HTR2C: variants seen among roughly 807,000 people sequenced by gnomAD.
The protein encoded by HTR2C is 5-hydroxytryptamine (serotonin) receptor 2C, G protein-coupled.
In HTR2C, 5 loss-of-function variants were observed where a neutral mutation model predicts 21.0. That is an observed-to-expected ratio of 0.24 (90% CI 0.12 to 0.50). HTR2C has a LOEUF of 0.50. Ranked by LOEUF, HTR2C falls within the 20% of genes least tolerant of loss-of-function variation. HTR2C has a pLI of 0.98. For synonymous variants in HTR2C, 150 were observed against 145.3 expected, an observed-to-expected ratio of 1.03 and a Z score of -0.23; for missense variants, 271 against 371.2, an observed-to-expected ratio of 0.73 and a Z score of 2.22.
chrX:114,866,885 T>G (rs191106471), intron 5 of HTR2C, among the ~76,000 whole-genome samples: 1 of 112,193 alleles, frequency 8.9e-6, no homozygotes, highest in Admixed American at 9.5e-5. Context: ...ATACCACATT[T>G]TCTTTATCCA....
At chrX:114,702,853 G>A (rs1214441191) in intron 2 of HTR2C, among the ~76,000 whole-genome samples, 4 of 107,101 alleles carry the variant, frequency 3.7e-5, no homozygotes, top group South Asian at 4.4e-4. Context: ...TCACAATAAA[G>A]GGACGGAGGA....
chrX:114,616,660 C>G (rs1222633651), intron 2 of HTR2C, among the ~76,000 whole-genome samples: 8 of 111,908 alleles, frequency 7.1e-5, no homozygotes, highest in African/African-American at 2.0e-4. Flanking sequence ...GTAATACCTT[C>G]CGTAAAGCCT....
intron 2 of HTR2C, among the ~76,000 whole-genome samples, chrX:114,706,779 A>G (rs1158288284): frequency 1.8e-5 from 2 of 111,296 alleles, no homozygotes; most frequent in Non-Finnish European, 3.8e-5. Context: ...TTGCATAAAT[A>G]CAATCTGCAG....
chrX:114,630,213 A>G, intron 2 of HTR2C, among the ~76,000 whole-genome samples: 1 of 112,169 alleles, frequency 8.9e-6, no homozygotes, highest in East Asian at 2.8e-4. Flanking sequence ...GTCATTCAAC[A>G]TATATGCCAA....
chrX:114,601,552 T>G (rs1438177151), intron 1 of HTR2C, among the ~76,000 whole-genome samples: 1 of 108,543 alleles, frequency 9.2e-6, no homozygotes, highest in Non-Finnish European at 1.9e-5. Flanking sequence ...TGTTATCACT[T>G]AAGGCAAGGA....
rs186376698 is a variant in HTR2C at position 114,771,430 on chromosome X, C to A, written c.349+39823C>A. Among the ~76,000 whole-genome samples, 3 of 111,946 alleles carry A rather than the reference C, an allele frequency of 2.7e-5. No individual in the cohort carries two copies. In the South Asian group the frequency reaches 1.1e-3, roughly 41 times the overall value. Reference sequence around the variant, plus strand: ...ATTGTTCAGAATATTCTGTTAAATGCTATGAGCCAGTTTTTCTTTTACCCT... The same window carrying A: ...ATTGTTCAGAATATTCTGTTAAATGATATGAGCCAGTTTTTCTTTTACCCT... On this transcript the variant is annotated intron_variant, in intron 4 of 5. Transcript: ENST00000276198.
intron 4 of HTR2C, among the ~76,000 whole-genome samples, chrX:114,781,653 A>G (rs1314676923): frequency 1.8e-5 from 2 of 109,017 alleles, no homozygotes; most frequent in African/African-American, 6.7e-5. Flanking sequence ...AGTGTATACC[A>G]CCACACCCAG....
chrX:114,695,359 A>C (rs1449931812), intron 2 of HTR2C, among the ~76,000 whole-genome samples: 3 of 111,813 alleles, frequency 2.7e-5, no homozygotes, highest in African/African-American at 9.7e-5. Context: ...GGTTTAAAAT[A>C]TGTTTGGTTG....
intron 4 of HTR2C, among the ~76,000 whole-genome samples, chrX:114,750,676 T>C (rs1556427808): frequency 8.9e-6 from 1 of 112,282 alleles, no homozygotes; most frequent in African/African-American, 3.2e-5. Flanking sequence ...GAGGTCTATT[T>C]GGTAATTCAC....
intron 1 of HTR2C, among the ~76,000 whole-genome samples, chrX:114,589,396 T>C (rs979842240): frequency 9.0e-6 from 1 of 111,446 alleles, no homozygotes; most frequent in Non-Finnish European, 1.9e-5. Context: ...TGCTATTGTA[T>C]GTAGAGATGA....
intron 1 of HTR2C, among the ~76,000 whole-genome samples, chrX:114,611,447 C>T (rs1369132170): frequency 2.7e-5 from 3 of 112,193 alleles, no homozygotes; most frequent in Non-Finnish European, 1.9e-5. Flanking sequence ...ATCATTGCTC[C>T]AAGATTGCTA....
At chrX:114,604,081 T>A (rs1556395873) in intron 1 of HTR2C, among the ~76,000 whole-genome samples, 1 of 107,692 alleles carries the variant, frequency 9.3e-6, no homozygotes, top group Admixed American at 1.0e-4. Context: ...TAGGTTTTAA[T>A]GAGATGGTAA....
intron 5 of HTR2C, among the ~76,000 whole-genome samples, chrX:114,858,307 C>T (rs1189980940): frequency 9.0e-6 from 1 of 111,164 alleles, no homozygotes; most frequent in Non-Finnish European, 1.9e-5. Flanking sequence ...TTTGTCTTAA[C>T]AATACTATGG....
chrX:114,888,261 G>C (rs1192142513), intron 5 of HTR2C, among the ~76,000 whole-genome samples: 1 of 111,678 alleles, frequency 9.0e-6, no homozygotes, highest in Non-Finnish European at 1.9e-5. Flanking sequence ...TGAGTGCTAA[G>C]TGAAAGGGCT....
chrX:114,639,286 A>T (rs1290543955), intron 2 of HTR2C: 1 of 113,573 alleles, frequency 8.8e-6, no homozygotes, highest in Non-Finnish European at 1.9e-5. Context: ...TTCCATTTAC[A>T]AATTCTTGGA....
intron 4 of HTR2C, chrX:114,775,210 C>G: frequency 1.9e-6 from 1 of 517,980 alleles, no homozygotes; most frequent in Non-Finnish European, 3.5e-6. Flanking sequence ...CTCAGCTTAC[C>G]GGACCATATG....
chrX:114,722,622 G>T, intron 2 of HTR2C, among the ~76,000 whole-genome samples: 1 of 106,620 alleles, frequency 9.4e-6, no homozygotes, highest in East Asian at 3.0e-4. Context: ...TCCAGTTTTT[G>T]CCCATTCAGT....
chrX:114,585,767 G>T (rs1556389451), intron 1 of HTR2C, among the ~76,000 whole-genome samples: 2 of 111,105 alleles, frequency 1.8e-5, no homozygotes, highest in African/African-American at 6.6e-5. Context: ...TGCCAGTACC[G>T]CGCAGCTTCT....
At chrX:114,743,683 G>C (rs1304800685) in intron 4 of HTR2C, among the ~76,000 whole-genome samples, 2 of 111,374 alleles carry the variant, frequency 1.8e-5, no homozygotes, top group African/African-American at 6.5e-5. Flanking sequence ...AAAAAGACGG[G>C]TTGGTGCAGA....
Sources: allele counts gnomAD v4.1 joint callset (sites outside exome capture counted in the v4.1 genomes callset), GRCh38; gene constraint gnomAD v4.1.1; transcripts MANE v1.5; gene names NCBI Gene and HGNC (gene_info 2026-07-23, HGNC 2026-07-21).